ZWILCH: variants seen among roughly 807,000 people sequenced by gnomAD.
ZWILCH encodes the protein protein zwilch homolog.
ZWILCH carries 74 observed loss-of-function variants against 79.9 expected under a neutral mutation model. The ratio of observed to expected loss-of-function variants is 0.93; its 90% CI spans 0.77 to 1.12. The LOEUF is 1.12. Ranked by LOEUF, ZWILCH falls within the 50% of genes most tolerant of loss-of-function variation. The pLI is 0.00. For synonymous variants in ZWILCH, 241 were observed against 228.2 expected (o/e 1.06, Z -0.51); for missense variants, 694 against 687.5 (o/e 1.01, Z -0.11).
intron 14 of ZWILCH, among the ~76,000 whole-genome samples, chr15:66,533,915 TG>T (rs1183741382): frequency 6.6e-6 from 1 of 152,132 alleles, no homozygotes; most frequent in African/African-American, 2.4e-5. Flanking sequence ...GAGATCAGCC[TG>T]GGCAACATAG....
chr15:66,510,851 C>T (rs1035390351), intron 2 of ZWILCH, among the ~76,000 whole-genome samples: 1 of 152,186 alleles, frequency 6.6e-6, no homozygotes, highest in Non-Finnish European at 1.5e-5. Flanking sequence ...ATTCCCCCTG[C>T]GTGTCTATGC....
chr15:66,512,093 T>C (rs1044184037), intron 2 of ZWILCH, among the ~76,000 whole-genome samples: 1 of 152,188 alleles, frequency 6.6e-6, no homozygotes, highest in African/African-American at 2.4e-5. Context: ...AACTGGAAAC[T>C]ACTAAAATAT....
At chr15:66,509,870 T>TATATGG (rs1491513134) in intron 2 of ZWILCH, among the ~76,000 whole-genome samples, 1 of 100,600 alleles carries the variant, frequency 9.9e-6, no homozygotes, top group African/African-American at 3.9e-5. Flanking sequence ...TATATATATA[T>TATATGG]CTCTTAAAAA....
rs754922653 is a variant in ZWILCH, at chr15:66,529,520, A to G, written c.1102A>G (p.Lys368Glu). The G allele has an allele frequency of 6.2e-7, 1 of 1,614,058 alleles. No individual in the cohort carries two copies. The highest frequency in any genetic ancestry group is 2.2e-5 in the East Asian group (1 of 44,860). Residue 368 changes from lysine to glutamate, a missense_variant, in exon 12 of 19, where the codon AAG (lysine) becomes GAG (glutamate). By Grantham distance (56) the Lys-to-Glu change is moderately conservative. Coordinates refer to ENST00000307897, the MANE Select transcript of ZWILCH (RefSeq NM_017975.5). The stretch of plus-strand genomic sequence containing the variant: ...TGTGATTTCATACCAAGACTTGGTG[A>G]AGTGTTTCACATTGATCATCCAGAG... ...SSVISYQDLV[K>E]CFTLIIQSLQ...
Position 66,515,510 on chromosome 15 carries a change from A to C in ZWILCH, c.202-16A>C. 6.6e-7 allele frequency: 1 copy of C among 1,511,276 alleles called. No homozygotes were observed. Among genetic ancestry groups the C allele is most frequent in the Non-Finnish European group, 9.1e-7 (1 of 1,094,244 alleles). 93.6% of individuals were successfully genotyped at this position (1,511,276 alleles called of 1,614,324 possible). ...TGCTCTTTTGTCTGGTTAAATAATT[A>C]AGAACATTTTTAAAGCCTTTAGAAA... On this transcript the variant is annotated splice_polypyrimidine_tract_variant and intron_variant, in intron 3 of 18. Coordinates refer to ENST00000307897, the MANE Select transcript of ZWILCH (RefSeq NM_017975.5).
chr15:66,533,038 A>G (rs769614798), intron 14 of ZWILCH, 25 bp downstream of exon 14: 1 of 1,552,298 alleles, frequency 6.4e-7, no homozygotes, highest in South Asian at 1.2e-5. Flanking sequence ...TTATTCTAAA[A>G]TTGGTTTTTC....
chr15:66,511,328 G>C (rs1894055085), intron 2 of ZWILCH, among the ~76,000 whole-genome samples: 2 of 151,000 alleles, frequency 1.3e-5, no homozygotes, highest in South Asian at 4.2e-4. Context: ...TCTACAAAAA[G>C]CAAAAAAAAA....
chr15:66,514,186 A>G, intron 3 of ZWILCH, 103 bp downstream of exon 3: 1 of 689,018 alleles, frequency 1.5e-6, no homozygotes, highest in Non-Finnish European at 2.4e-6. Context: ...ATCGGTGAAA[A>G]TGAGTTCTCA....
intron 4 of ZWILCH, among the ~76,000 whole-genome samples, chr15:66,518,429 C>T (rs866617848): frequency 4.0e-5 from 6 of 151,814 alleles, no homozygotes; most frequent in Non-Finnish European, 7.4e-5. Context: ...TACAGGAGCC[C>T]GCCACTACAC....
chr15:66,520,763 T>A, intron 6 of ZWILCH, 103 bp downstream of exon 6: 3 of 785,782 alleles, frequency 3.8e-6, no homozygotes, highest in Non-Finnish European at 6.1e-6. Flanking sequence ...TAGATATTTT[T>A]CTGTAGTATG....
chr15:66,518,960 T>C lies in ZWILCH; in HGVS notation c.402T>C (p.Pro134=). 6.2e-7 allele frequency: 1 copy of C among 1,614,220 alleles called. No individual in the cohort carries two copies. Among genetic ancestry groups the C allele is most frequent in the Non-Finnish European group, 8.5e-7 (1 of 1,180,038 alleles). ...TTAATCTGCCAGTTACTGCCCTTCC[T>C]CCCCTTTGGGTAAGATGTGACAGTT... ...LKINLPVTAL[P]PLWVRCDSSD... is the part of the protein sequence containing the mutation. Residue 134 remains proline, a synonymous_variant, in exon 5 of 19, where the codon CCT becomes CCC. Coordinates refer to ENST00000307897, the MANE Select transcript of ZWILCH (RefSeq NM_017975.5).
chr15:66,517,430 G>GTGTATATATATATATATA, intron 4 of ZWILCH, among the ~76,000 whole-genome samples: 45 of 66,500 alleles, frequency 6.8e-4, no homozygotes, highest in African/African-American at 2.6e-3. Context: ...GTGTGTGTGT[G>GTGTATATATATATATATA]TATATATATA....
chr15:66,537,324 G>T, intron 16 of ZWILCH, 61 bp downstream of exon 16: 1 of 1,228,876 alleles, frequency 8.1e-7, no homozygotes, highest in Non-Finnish European at 1.2e-6. Context: ...ATGGGAGGCT[G>T]AGGTGGGAGG....
chr15:66,519,987 T>A (rs914142404), intron 5 of ZWILCH, among the ~76,000 whole-genome samples: 1 of 151,966 alleles, frequency 6.6e-6, no homozygotes, highest in Non-Finnish European at 1.5e-5. Flanking sequence ...TTTTAATTTG[T>A]TTTTAAGAGA....
intron 2 of ZWILCH, among the ~76,000 whole-genome samples, chr15:66,512,670 T>C (rs1894111704): frequency 6.6e-6 from 1 of 151,866 alleles, no homozygotes; most frequent in Non-Finnish European, 1.5e-5. Context: ...TGCAGTGGCA[T>C]GATATCGGCT....
chr15:66,514,733 G>T (rs1894193378), intron 3 of ZWILCH, among the ~76,000 whole-genome samples: 1 of 152,034 alleles, frequency 6.6e-6, no homozygotes, highest in Non-Finnish European at 1.5e-5. Context: ...TGTTATTATT[G>T]GCAAGGCTGA....
intron 9 of ZWILCH, 68 bp downstream of exon 9, chr15:66,527,451 C>T: frequency 2.4e-6 from 3 of 1,252,752 alleles, no homozygotes; most frequent in Non-Finnish European, 3.5e-6. Context: ...TCTCTTTAAG[C>T]TTGATACTCT....
At chr15:66,513,174 A>G (rs929814243) in intron 2 of ZWILCH, among the ~76,000 whole-genome samples, 5 of 152,098 alleles carry the variant, frequency 3.3e-5, no homozygotes, top group African/African-American at 1.2e-4. Flanking sequence ...CAAGTGATGT[A>G]TCCGCCTCGG....
chr15:66,517,193 A>C (rs1356080031), intron 4 of ZWILCH, among the ~76,000 whole-genome samples: 1 of 151,878 alleles, frequency 6.6e-6, no homozygotes, highest in African/African-American at 2.4e-5. Flanking sequence ...CTTAATCCAG[A>C]TTCACCAATT....
Sources: gnomAD v4.1 joint callset for allele counts (sites outside exome capture counted in the v4.1 genomes callset) on GRCh38, gnomAD v4.1.1 for gene constraint, MANE v1.5 for transcripts, NCBI Gene and HGNC (gene_info 2026-07-23, HGNC 2026-07-21) for gene names.